PPP1R36: variants seen among roughly 807,000 people sequenced by gnomAD.
The protein encoded by PPP1R36 is chromosome 14 open reading frame 50.
In PPP1R36, 47 loss-of-function variants were observed where a neutral mutation model predicts 53.4. The observed-to-expected ratio is 0.88, with a 90% CI of 0.70 to 1.12. PPP1R36 has a LOEUF of 1.12. Ranked by LOEUF, PPP1R36 falls within the 50% of genes most tolerant of loss-of-function variation. PPP1R36 has a pLI of 0.00. For synonymous variants in PPP1R36, 153 were observed against 170.5 expected (o/e 0.90, Z 0.80); for missense variants, 456 against 513.9 (o/e 0.89, Z 1.09).
intron 3 of PPP1R36, among the ~76,000 whole-genome samples, chr14:64,561,262 C>A (rs555450553): frequency 1.3e-5 from 2 of 152,158 alleles, no homozygotes; most frequent in Non-Finnish European, 2.9e-5. Context: ...TCCCTTTCCC[C>A]TCCCCCAGCT....
At chr14:64,551,611 A>G (rs1388398250) in intron 2 of PPP1R36, 1 of 456,204 alleles carries the variant, frequency 2.2e-6, no homozygotes, top group Non-Finnish European at 4.4e-6. Flanking sequence ...TGGAAAGTGA[A>G]CATTAATGTC....
At chr14:64,552,924 C>G (rs2080108156) in intron 3 of PPP1R36, 63 bp downstream of exon 3, 1 of 1,402,774 alleles carries the variant, frequency 7.1e-7, no homozygotes, top group African/African-American at 1.4e-5. Context: ...TTACAGAAGT[C>G]AAAATACATG....
chr14:64,554,838 G>A (rs1304871040), intron 3 of PPP1R36, among the ~76,000 whole-genome samples: 1 of 152,154 alleles, frequency 6.6e-6, no homozygotes, highest in Non-Finnish European at 1.5e-5. Flanking sequence ...CAGTAAGTGT[G>A]TGGAGTGGGT....
At chr14:64,578,548 C>T (rs1014288432) in intron 8 of PPP1R36, among the ~76,000 whole-genome samples, 1 of 152,102 alleles carries the variant, frequency 6.6e-6, no homozygotes, top group African/African-American at 2.4e-5. Context: ...AAAATAAAAA[C>T]CACAATGAGA....
chr14:64,578,790 A>T (rs772261230), intron 8 of PPP1R36, among the ~76,000 whole-genome samples: 1 of 152,230 alleles, frequency 6.6e-6, no homozygotes, highest in Non-Finnish European at 1.5e-5. Flanking sequence ...GCATTCTGTC[A>T]TAAAGACACA....
At chr14:64,565,307 C>T in intron 4 of PPP1R36, 50 bp from the exon 5 acceptor site, 1 of 1,314,736 alleles carries the variant, frequency 7.6e-7, no homozygotes, top group Non-Finnish European at 1.1e-6. Context: ...AGATTAAATA[C>T]AACTAAAATA....
At chr14:64,550,121 C>G in intron 1 of PPP1R36, 55 bp downstream of exon 1, 1 of 1,531,886 alleles carries the variant, frequency 6.5e-7, no homozygotes, top group Non-Finnish European at 8.8e-7. Context: ...GCGGGCCCTG[C>G]TGCCCCCAAC....
In PPP1R36 at chr14:64,560,389, C is replaced by T. The variant is rs570571245; in HGVS notation, c.183-4362C>T. 1.7e-3 allele frequency among the ~76,000 whole-genome samples: 247 copies of T among 147,240 alleles called. 1 individual carries two copies. Among genetic ancestry groups the T allele is most frequent in the African/African-American group, 5.9e-3 (236 of 39,968 alleles). On this transcript the variant is annotated intron_variant, in intron 3 of 11. Transcript: ENST00000298705. ...CCCTTGAGGTAGAGGCTGTAGTGAC[C>T]ATGATGGCACCACTGCACTCCAGCC...
At chr14:64,585,516 CAAAA>C (rs57102182) in intron 8 of PPP1R36, among the ~76,000 whole-genome samples, 32 of 109,170 alleles carry the variant, frequency 2.9e-4, no homozygotes, top group African/African-American at 8.1e-4. Context: ...GACCCTGTCT[CAAAA>C]AAAAAAAAAA....
rs1171697200 is a variant in PPP1R36 at position 64,560,103 on chromosome 14, C to CAAA, written c.183-4620_183-4618dup. Among the ~76,000 whole-genome samples, 213 of 27,392 alleles carry CAAA rather than the reference C, an allele frequency of 7.8e-3. 5 individuals are homozygous for CAAA. The highest frequency in any genetic ancestry group is 0.031 in the Middle Eastern group (1 of 32). 18.0% of individuals were successfully genotyped at this position (27,392 alleles called of 152,430 possible). A position where few individuals can be genotyped will look rare whatever the true frequency, so the allele number is the denominator to read the frequency against. On this transcript the variant is annotated intron_variant, in intron 3 of 11. Transcript: ENST00000298705. Reference sequence around the variant, plus strand: ...TGGGCAACAAAACTAGAATCTGTCACAAAAAAAAAAAAAAAAAAAAAAAAA... The same window carrying CAAA: ...TGGGCAACAAAACTAGAATCTGTCACAAAAAAAAAAAAAAAAAAAAAAAAAAAA...
intron 8 of PPP1R36, among the ~76,000 whole-genome samples, chr14:64,582,302 G>T (rs890188135): frequency 6.6e-6 from 1 of 152,190 alleles, no homozygotes; most frequent in African/African-American, 2.4e-5. Context: ...CCCTAGCCCA[G>T]AACCCTGGGT....
In PPP1R36 at chr14:64,588,084, G is replaced by A. The variant is rs2080450358; in HGVS notation, c.891-20G>A. On this transcript the variant is annotated intron_variant, in intron 10 of 11. Transcript: ENST00000298705. Reference sequence around the variant, plus strand: ...GAAAACAGGGTGATATGACCTAAATGTCACCTTCCTCCCCGACAGGAGAAT... The same window carrying A: ...GAAAACAGGGTGATATGACCTAAATATCACCTTCCTCCCCGACAGGAGAAT... 1.3e-6 allele frequency: 2 copies of A among 1,579,872 alleles called. No homozygotes were observed. Among genetic ancestry groups the A allele is most frequent in the Admixed American group, 3.5e-5 (2 of 56,578 alleles).
chr14:64,583,675 G>A (rs376114590), intron 8 of PPP1R36, among the ~76,000 whole-genome samples: 3 of 151,782 alleles, frequency 2.0e-5, no homozygotes, highest in Admixed American at 6.6e-5. Flanking sequence ...TTAGCCAGGC[G>A]TGGTTGCGCA....
intron 8 of PPP1R36, among the ~76,000 whole-genome samples, chr14:64,578,971 GC>G (rs1359390103): frequency 6.6e-6 from 1 of 152,218 alleles, no homozygotes; most frequent in African/African-American, 2.4e-5. Context: ...CATGGATAGA[GC>G]TGGAGGCTAT....
rs1471372815 is a variant in PPP1R36, at chr14:64,565,629, TTA to T, written c.372_373del (p.Thr125PhefsTer8). The T allele has an allele frequency of 6.2e-7, 1 of 1,613,428 alleles. No individual in the cohort carries two copies. The highest frequency in any genetic ancestry group is 2.2e-5 in the East Asian group (1 of 44,868). On this transcript the variant is annotated frameshift_variant, in exon 6 of 12. Transcript: ENST00000298705. LOFTEE classifies it high-confidence loss of function. ...ATTGTTCATTTTCTCTTTTCAGTTG[TTA>T]CTTTGCTTTTGCTACAAGATACTGA...
chr14:64,553,106 A>G (rs2080109919), intron 3 of PPP1R36, among the ~76,000 whole-genome samples: 1 of 151,702 alleles, frequency 6.6e-6, no homozygotes, highest in Non-Finnish European at 1.5e-5. Flanking sequence ...TACTCACACC[A>G]CCATGCCCAG....
intron 2 of PPP1R36, chr14:64,552,569 C>T: frequency 3.0e-6 from 1 of 338,762 alleles, no homozygotes; most frequent in Non-Finnish European, 5.2e-6. Flanking sequence ...ACGTCTTGGG[C>T]TGTTGGACAA....
At chr14:64,569,821 G>A (rs776874095) in intron 7 of PPP1R36, among the ~76,000 whole-genome samples, 1 of 150,238 alleles carries the variant, frequency 6.7e-6, no homozygotes, top group Non-Finnish European at 1.5e-5. Context: ...TCACTGCAAC[G>A]TCCACCGCTC....
Position 64,589,151 on chromosome 14 carries a change from G to T in PPP1R36, c.1083-1G>T. 6.2e-7 allele frequency: 1 copy of T among 1,610,924 alleles called. No individual in the cohort carries two copies. Among genetic ancestry groups the T allele is most frequent in the African/African-American group, 1.3e-5 (1 of 74,814 alleles). ...AGCTATCCCAATAATTCTTTTCACA[G>T]AGTTGGCATCTTGGGGGAGCCTCGA... On this transcript the variant is annotated splice_acceptor_variant, in intron 11 of 11. Coordinates refer to ENST00000298705, the MANE Select transcript of PPP1R36 (RefSeq NM_172365.3). LOFTEE classifies it high-confidence loss of function.
Sources: gnomAD v4.1 joint callset for allele counts (sites outside exome capture counted in the v4.1 genomes callset) on GRCh38, gnomAD v4.1.1 for gene constraint, MANE v1.5 for transcripts, NCBI Gene and HGNC (gene_info 2026-07-23, HGNC 2026-07-21) for gene names.